GLI3: variants seen among roughly 807,000 people sequenced by gnomAD.
The protein encoded by GLI3 is GLI family zinc finger 3.
A neutral mutation model predicts 100.8 loss-of-function variants in GLI3; 20 were observed. The ratio of observed to expected loss-of-function variants is 0.20; its 90% confidence interval spans 0.14 to 0.29. The LOEUF (loss-of-function observed/expected upper bound fraction) is 0.29. GLI3 is among the 10% of genes least tolerant of loss of function. The pLI, the probability that GLI3 is intolerant of heterozygous loss-of-function variation, is 1.00. For missense variants in GLI3, 2,040 were observed against 2,128.5 expected (o/e 0.96, Z 0.82); for synonymous variants, 938 against 860.5 (o/e 1.09, Z -1.58).
intron 2 of GLI3, among the ~76,000 whole-genome samples, chr7:42,180,591 C>A (rs1562774694): frequency 6.6e-6 from 1 of 152,172 alleles, no homozygotes; most frequent in Non-Finnish European, 1.5e-5. Context: ...GGGTAGGACC[C>A]AGGATGCGCT....
chr7:42,040,620 A>G (rs909817525), intron 6 of GLI3, among the ~76,000 whole-genome samples: 9 of 151,954 alleles, frequency 5.9e-5, no homozygotes, highest in Non-Finnish European at 4.4e-5. Flanking sequence ...GCAACATACC[A>G]CCCTCCCCAC....
intron 2 of GLI3, among the ~76,000 whole-genome samples, chr7:42,179,528 G>A (rs1292806529): frequency 1.3e-5 from 2 of 152,206 alleles, no homozygotes; most frequent in African/African-American, 4.8e-5. Context: ...ACAGACTCTA[G>A]TAAAGCAAGG....
At chr7:42,111,495 G>A (rs1172363475) in intron 3 of GLI3, among the ~76,000 whole-genome samples, 1 of 152,166 alleles carries the variant, frequency 6.6e-6, no homozygotes, top group Non-Finnish European at 1.5e-5. Context: ...AGAACAGAAA[G>A]TCTGAAGGCC....
intron 1 of GLI3, among the ~76,000 whole-genome samples, chr7:42,256,039 T>A (rs761996484): frequency 1.3e-5 from 2 of 152,168 alleles, no homozygotes; most frequent in Non-Finnish European, 1.5e-5. Flanking sequence ...GGCTTTAACT[T>A]TTGTTTCCCT....
At chr7:42,068,424 A>G (rs902978640) in intron 4 of GLI3, among the ~76,000 whole-genome samples, 1 of 152,118 alleles carries the variant, frequency 6.6e-6, no homozygotes, top group Admixed American at 6.6e-5. Context: ...AAACATCCCT[A>G]GTTTTCTCAG....
At chr7:42,248,674 A>G (rs1301644726) in intron 1 of GLI3, among the ~76,000 whole-genome samples, 1 of 152,226 alleles carries the variant, frequency 6.6e-6, no homozygotes, top group Non-Finnish European at 1.5e-5. Flanking sequence ...TAGTAGATGG[A>G]AAAATTATTT....
At chr7:42,079,822 TG>T (rs1784962033) in intron 3 of GLI3, among the ~76,000 whole-genome samples, 1 of 152,210 alleles carries the variant, frequency 6.6e-6, no homozygotes, top group Non-Finnish European at 1.5e-5. Flanking sequence ...GGTGCAACTA[TG>T]AATTATGACA....
At chr7:42,057,916 T>TA (rs558331698) in intron 4 of GLI3, among the ~76,000 whole-genome samples, 31 of 152,044 alleles carry the variant, frequency 2.0e-4, no homozygotes, top group African/African-American at 7.2e-4. Flanking sequence ...GAATAAAGGA[T>TA]AAAAAAACTA....
At chr7:42,244,725 TCA>T (rs1788955615) in intron 1 of GLI3, among the ~76,000 whole-genome samples, 2 of 151,546 alleles carry the variant, frequency 1.3e-5, no homozygotes, top group Non-Finnish European at 2.9e-5. Flanking sequence ...AGTAAAATAA[TCA>T]CAGTGTTGAT....
intron 2 of GLI3, among the ~76,000 whole-genome samples, chr7:42,200,020 C>T (rs1788007127): frequency 6.6e-6 from 1 of 152,184 alleles, no homozygotes; most frequent in African/African-American, 2.4e-5. Flanking sequence ...CATGCCACTG[C>T]ATTCCAGCCT....
Position 42,182,660 on chromosome 7 carries a change from A to ATATACATGTGTG in GLI3, c.125-34193_125-34192insCACACATGTATA, listed in dbSNP as rs1554337047. 7.2e-3 allele frequency among the ~76,000 whole-genome samples: 423 copies of ATATACATGTGTG among 59,048 alleles called. 20 individuals carry two copies. The highest frequency in any genetic ancestry group is 0.039 in the African/African-American group (400 of 10,258). The allele number at this position is 59,048 out of a possible 152,430, so 38.7% of individuals were successfully genotyped here. On this transcript the variant is annotated intron_variant, in intron 2 of 14. Transcript: ENST00000395925. ...TATGTGTGTGTATATATATATATAT[A>ATATACATGTGTG]TATATATATATATATATATATACAC...
intron 3 of GLI3, among the ~76,000 whole-genome samples, chr7:42,093,506 G>A (rs1295731999): frequency 2.0e-5 from 3 of 148,150 alleles, no homozygotes; most frequent in Non-Finnish European, 3.0e-5. Flanking sequence ...AATGGGGTGG[G>A]TGGTGCAGCT....
rs189141230 is a variant in GLI3, at chr7:42,236,368, A to T, written c.-43+603T>A. ...AAAAGAAATAAGAGAATCCCAAATCATATACAGATGGTACAACTTTCACTT... is the reference window on the plus strand; with the variant it reads ...AAAAGAAATAAGAGAATCCCAAATCTTATACAGATGGTACAACTTTCACTT... On this transcript the variant is annotated intron_variant, in intron 1 of 14. Coordinates refer to ENST00000395925, the MANE Select transcript of GLI3 (RefSeq NM_000168.6). Among the ~76,000 whole-genome samples the T allele has an allele frequency of 4.0e-3, 610 of 152,242 alleles. 1 individual carries two copies. The highest frequency in any genetic ancestry group is 0.014 in the African/African-American group (584 of 41,546).
intron 3 of GLI3, among the ~76,000 whole-genome samples, chr7:42,128,445 T>A (rs886791656): frequency 6.6e-6 from 1 of 152,364 alleles, no homozygotes. Context: ...AAAGACTTTT[T>A]GGCTTTTGGA....
intron 10 of GLI3, among the ~76,000 whole-genome samples, chr7:41,996,720 T>C (rs1788135488): frequency 1.3e-5 from 2 of 152,202 alleles, no homozygotes; most frequent in Admixed American, 1.3e-4. Flanking sequence ...ATATATAATA[T>C]GATACAAGGA....
intron 2 of GLI3, among the ~76,000 whole-genome samples, chr7:42,159,624 G>A (rs1190168286): frequency 2.0e-5 from 3 of 152,028 alleles, no homozygotes; most frequent in South Asian, 2.1e-4. Flanking sequence ...CCATCCATGC[G>A]ATATTAAAAC....
chr7:42,038,641 T>C (rs1784068351), intron 7 of GLI3, among the ~76,000 whole-genome samples: 1 of 152,196 alleles, frequency 6.6e-6, no homozygotes, highest in African/African-American at 2.4e-5. Flanking sequence ...GCTATCCACG[T>C]TTCCACACTT....
intron 12 of GLI3, among the ~76,000 whole-genome samples, chr7:41,976,192 A>G (rs1439345284): frequency 6.6e-6 from 1 of 152,192 alleles, no homozygotes; most frequent in Non-Finnish European, 1.5e-5. Context: ...GTACAAAACA[A>G]GTGTAATAGA....
intron 6 of GLI3, among the ~76,000 whole-genome samples, chr7:42,042,925 G>A (rs534310966): frequency 1.3e-5 from 2 of 152,288 alleles, no homozygotes; most frequent in East Asian, 3.9e-4. Context: ...CTGAGAGGTA[G>A]AATTGGGACC....
Sources: gnomAD v4.1 joint callset for allele counts (sites outside exome capture counted in the v4.1 genomes callset) on GRCh38, gnomAD v4.1.1 for gene constraint, MANE v1.5 for transcripts, NCBI Gene and HGNC (gene_info 2026-07-23, HGNC 2026-07-21) for gene names.